Variants in CEP164 observed in about 807,000 individuals in gnomAD.
CEP164 encodes centrosomal protein 164, also known as centrosomal protein of 164 kDa.
Under a neutral mutation model 182.7 loss-of-function variants are expected in CEP164, and 162 were observed. The observed-to-expected ratio is 0.89, with a 90% CI of 0.78 to 1.01. CEP164 has a LOEUF of 1.01. CEP164 is among the 50% of genes least tolerant of loss of function. CEP164 has a pLI of 0.00. For missense variants in CEP164, 1,735 were observed against 1,790.4 expected (o/e 0.97, Z 0.56); for synonymous variants, 661 against 690.0 (o/e 0.96, Z 0.66).
chr11:117,381,954 G>A, intron 13 of CEP164, 86 bp downstream of exon 13: 1 of 731,370 alleles, frequency 1.4e-6, no homozygotes, highest in African/African-American at 1.9e-5. Flanking sequence ...TGCTGAGAGA[G>A]ATGGGGGTGG....
Position 117,412,272 on chromosome 11 carries a change from C to G in CEP164, c.*104C>G, listed in dbSNP as rs946260931. ...CATCTGAGAAAGCACCCTCCTTCCC[C>G]CTTTGACTTGCAGGAGCCACCAGGG... On this transcript the variant is annotated 3_prime_UTR_variant, in exon 33 of 33. Transcript: ENST00000278935. The G allele has an allele frequency of 3.8e-6, 4 of 1,039,362 alleles. No homozygotes were observed. The highest frequency in any genetic ancestry group is 1.6e-5 in the African/African-American group (1 of 61,980). 64.4% of individuals were successfully genotyped at this position (1,039,362 alleles called of 1,614,324 possible). A position where few individuals can be genotyped will look rare whatever the true frequency, so the allele number is the denominator to read the frequency against.
intron 4 of CEP164, among the ~76,000 whole-genome samples, chr11:117,345,332 A>G (rs1037052027): frequency 2.0e-5 from 3 of 152,088 alleles, no homozygotes; most frequent in African/African-American, 7.2e-5. Flanking sequence ...GCTCGTGGTG[A>G]CACTGCTCTC....
At chr11:117,367,263 A>C (rs1467959369) in intron 8 of CEP164, among the ~76,000 whole-genome samples, 18 of 152,208 alleles carry the variant, frequency 1.2e-4, no homozygotes, top group Admixed American at 1.1e-3. Context: ...GATAATCTAC[A>C]ACAAATGCTT....
intron 5 of CEP164, among the ~76,000 whole-genome samples, chr11:117,353,477 G>T (rs879828788): frequency 6.6e-5 from 10 of 152,208 alleles, no homozygotes; most frequent in Non-Finnish European, 1.2e-4. Flanking sequence ...ATCTGGGCAG[G>T]CTGTGGCTTG....
At chr11:117,385,775 A>G (rs2043877315) in intron 14 of CEP164, 1 of 152,248 alleles carries the variant, frequency 6.6e-6, no homozygotes, top group East Asian at 1.9e-4. Flanking sequence ...TTTGGAAGGA[A>G]GGAGAAGATG....
chr11:117,361,739 G>C, intron 5 of CEP164, 96 bp from the exon 6 acceptor site: 2 of 1,290,688 alleles, frequency 1.5e-6, no homozygotes, highest in Non-Finnish European at 2.2e-6. Flanking sequence ...AAATTTGAGC[G>C]TGCAGGATTT....
rs1668996469 is a variant in CEP164 at position 117,394,254 on chromosome 11, C to T, written c.2617-96C>T. The T allele has an allele frequency of 1.3e-6, 2 of 1,489,116 alleles. No individual in the cohort carries two copies. The highest frequency in any genetic ancestry group is 2.1e-5 in the Admixed American group (1 of 48,376). 92.2% of individuals were successfully genotyped at this position (1,489,116 alleles called of 1,614,324 possible). ...TTAGGGAGCCGATGGTGTCCCTGATCTTACTGATGCAAGGCTGCAGGGCTA... is the reference window on the plus strand; with the variant it reads ...TTAGGGAGCCGATGGTGTCCCTGATTTTACTGATGCAAGGCTGCAGGGCTA... On this transcript the variant is annotated intron_variant, in intron 20 of 32. Transcript: ENST00000278935. The surrounding 1 kb of genome is among the most constrained non-coding windows in gnomAD (Gnocchi z 4.0).
At chr11:117,398,767 T>C (rs75387351) in intron 27 of CEP164, among the ~76,000 whole-genome samples, 1 of 152,202 alleles carries the variant, frequency 6.6e-6, no homozygotes, top group Non-Finnish European at 1.5e-5. Context: ...ACCAAGTCCC[T>C]AGGCTGCACA....
chr11:117,335,329 G>A (rs936819722), intron 1 of CEP164, among the ~76,000 whole-genome samples: 2 of 152,070 alleles, frequency 1.3e-5, no homozygotes, highest in African/African-American at 2.4e-5. Flanking sequence ...CTGCTTGGAG[G>A]TGGCATGGTG....
At chr11:117,343,712 C>A (rs1472502528) in intron 3 of CEP164, among the ~76,000 whole-genome samples, 1 of 148,998 alleles carries the variant, frequency 6.7e-6, no homozygotes, top group African/African-American at 2.5e-5. Context: ...CTCACTGCAA[C>A]CTCTTCCTCC....
chr11:117,408,891 C>G lies in CEP164; in HGVS notation c.3611C>G (p.Ala1204Gly). The change falls in exon 29 of 33, where the codon GCC (alanine) becomes GGC (glycine). Residue 1204 changes from alanine to glycine, a missense_variant and splice_region_variant. Physicochemically the swap from Ala to Gly is moderately conservative, Grantham distance 60. Coordinates refer to ENST00000278935, the MANE Select transcript of CEP164 (RefSeq NM_014956.5). Reference sequence around the variant, plus strand: ...ATAACTGCTGACTTTACCCCACAGGCCTCAGATGAGGGCACTCTGGGAGGA... The same window carrying G: ...ATAACTGCTGACTTTACCCCACAGGGCTCAGATGAGGGCACTCTGGGAGGA... The part of the protein sequence containing the change: ...NQLESSLWEE[A>G]SDEGTLGGSP... 1 of 1,614,086 alleles carries G rather than the reference C, an allele frequency of 6.2e-7. No individual in the cohort carries two copies. Among genetic ancestry groups the G allele is most frequent in the Non-Finnish European group, 8.5e-7 (1 of 1,180,008 alleles).
intron 11 of CEP164, among the ~76,000 whole-genome samples, chr11:117,378,791 G>GT (rs1442176614): frequency 6.6e-6 from 1 of 152,190 alleles, no homozygotes; most frequent in Non-Finnish European, 1.5e-5. Context: ...GTGGGGGATA[G>GT]TTCAGTTTCT....
chr11:117,357,032 A>G (rs2040385145), intron 5 of CEP164, among the ~76,000 whole-genome samples: 1 of 152,200 alleles, frequency 6.6e-6, no homozygotes, highest in Non-Finnish European at 1.5e-5. Context: ...TAGGCAGCCT[A>G]CCCCAAAGCT....
At chr11:117,333,961 T>A (rs1407440567) in intron 1 of CEP164, among the ~76,000 whole-genome samples, 1 of 152,260 alleles carries the variant, frequency 6.6e-6, no homozygotes, top group Non-Finnish European at 1.5e-5. Context: ...TGCATGCATC[T>A]GTTAGAACAC....
At chr11:117,384,287 C>T (rs1266058096) in intron 14 of CEP164, among the ~76,000 whole-genome samples, 1 of 152,186 alleles carries the variant, frequency 6.6e-6, no homozygotes, top group Non-Finnish European at 1.5e-5. Flanking sequence ...CTCAGGATCT[C>T]ATGTTGTCAC....
At chr11:117,401,242 AATC>A (rs1393061090) in intron 27 of CEP164, among the ~76,000 whole-genome samples, 2 of 152,242 alleles carry the variant, frequency 1.3e-5, no homozygotes, top group African/African-American at 4.8e-5. Context: ...CTGTTGAGAT[AATC>A]ATGTGATTTT....
chr11:117,411,605 A>T lies in CEP164; in HGVS notation c.4164-190A>T. On this transcript the variant is annotated intron_variant, in intron 31 of 32. Coordinates refer to ENST00000278935, the MANE Select transcript of CEP164 (RefSeq NM_014956.5). This position sits in a 1 kb window ranked among gnomAD's most constrained non-coding sequence, Gnocchi z 4.4. Reference sequence around the variant, plus strand: ...AGCAAGGGGGCAGAGGGCCTCCACCACTTTCCCGTTTGGGAACTGTTCTGG... The same window carrying T: ...AGCAAGGGGGCAGAGGGCCTCCACCTCTTTCCCGTTTGGGAACTGTTCTGG... The T allele has an allele frequency of 1.4e-6, 1 of 709,802 alleles. No individual in the cohort carries two copies. The highest frequency in any genetic ancestry group is 2.2e-6 in the Non-Finnish European group (1 of 451,896). The allele number at this position is 709,802 out of a possible 1,614,324, so 44.0% of individuals were successfully genotyped here.
At chr11:117,388,945 T>C (rs888944634) in intron 15 of CEP164, among the ~76,000 whole-genome samples, 55 of 151,842 alleles carry the variant, frequency 3.6e-4, no homozygotes, top group Middle Eastern at 3.4e-3. Flanking sequence ...TTTTTTTTTT[T>C]ATTTTTAGTA....
At chr11:117,408,253 A>AG (rs2046937079) in intron 28 of CEP164, among the ~76,000 whole-genome samples, 1 of 152,136 alleles carries the variant, frequency 6.6e-6, no homozygotes, top group Non-Finnish European at 1.5e-5. Context: ...ATGGTCCGGA[A>AG]TATACCTGGA....
Sources: gnomAD v4.1 joint callset for allele counts (sites outside exome capture counted in the v4.1 genomes callset) on GRCh38, gnomAD v4.1.1 for gene constraint, Gnocchi (gnomAD v3.1) non-coding constraint, MANE v1.5 for transcripts, NCBI Gene and HGNC (gene_info 2026-07-23, HGNC 2026-07-21) for gene names.